The following SPATA21 variants were observed in gnomAD, a reference collection of about 807,000 sequenced individuals.
SPATA21 encodes the protein spermatogenesis-associated protein 21.
Under a neutral mutation model 54.8 loss-of-function variants are expected in SPATA21, and 47 were observed. The observed-to-expected ratio is 0.86, with a 90% confidence interval of 0.68 to 1.09. SPATA21 has a LOEUF of 1.09. Among genes scored for constraint, SPATA21 ranks in the 50% least tolerant of loss-of-function variants. SPATA21 has a pLI of 0.00. For missense variants in SPATA21, 599 were observed against 596.4 expected (o/e 1.00, Z -0.05); for synonymous variants, 245 against 235.3 (o/e 1.04, Z -0.38).
Position 16,421,628 on chromosome 1 carries a change from C to T in SPATA21, c.96-71G>A, listed in dbSNP as rs2086175365. Reference sequence around the variant, plus strand: ...GGTTTGCCCCCCTGCCCTCCCCTCTCAGCCCCCAGGACACTCAGTTCCACC... The same window carrying T: ...GGTTTGCCCCCCTGCCCTCCCCTCTTAGCCCCCAGGACACTCAGTTCCACC... On this transcript the variant is annotated intron_variant, in intron 4 of 12. Coordinates refer to ENST00000335496, the MANE Select transcript of SPATA21 (RefSeq NM_198546.1). This position sits in a 1 kb window ranked among gnomAD's most constrained non-coding sequence, Gnocchi z 5.2. The T allele has an allele frequency of 4.0e-6, 6 of 1,487,700 alleles. No homozygotes were observed. Among genetic ancestry groups the T allele is most frequent in the South Asian group, 3.7e-5 (3 of 80,946 alleles). 92.2% of individuals were successfully genotyped at this position (1,487,700 alleles called of 1,614,324 possible). A position where few individuals can be genotyped will look rare whatever the true frequency, so the allele number is the denominator to read the frequency against.
intron 5 of SPATA21, among the ~76,000 whole-genome samples, chr1:16,419,378 T>C (rs2086106830): frequency 6.6e-6 from 1 of 151,818 alleles, no homozygotes; most frequent in Non-Finnish European, 1.5e-5. Context: ...TGGACTAGGG[T>C]AATGAAAGAG....
At chr1:16,432,118 T>C (rs1257460768) in intron 2 of SPATA21, among the ~76,000 whole-genome samples, 15 of 149,416 alleles carry the variant, frequency 1.0e-4, no homozygotes, top group East Asian at 7.8e-4. Context: ...CTTCTTCTTT[T>C]TTTTTTTTTT....
downstream of SPATA21, chr1:16,398,517 C>T (rs966208402): frequency 2.7e-5 from 14 of 518,590 alleles, no homozygotes; most frequent in Middle Eastern, 5.4e-4. Flanking sequence ...CAAGACTGCA[C>T]GCAGGGGCAC....
chr1:16,402,910 A>C (rs1293059507), intron 10 of SPATA21, among the ~76,000 whole-genome samples: 1 of 152,182 alleles, frequency 6.6e-6, no homozygotes, highest in Non-Finnish European at 1.5e-5. Flanking sequence ...TGGGCGACAG[A>C]GCGAGACCCG....
At chr1:16,402,984 A>T (rs1291719817) in intron 10 of SPATA21, among the ~76,000 whole-genome samples, 2 of 152,172 alleles carry the variant, frequency 1.3e-5, no homozygotes, top group African/African-American at 4.8e-5. Context: ...CATTTCAAAG[A>T]CAGGAAATGG....
chr1:16,399,535 A>G lies in SPATA21; in HGVS notation c.1175-14T>C. 6.2e-7 allele frequency: 1 copy of G among 1,609,686 alleles called. No individual in the cohort carries two copies. The highest frequency in any genetic ancestry group is 8.5e-7 in the Non-Finnish European group (1 of 1,178,240). The stretch of plus-strand genomic sequence containing the variant: ...GCAGGTTGGGAGCTGGTGAAGAAGG[A>G]GGCAGAAGGAGGAATGCTTCACAGC... On this transcript the variant is annotated splice_polypyrimidine_tract_variant and intron_variant, in intron 11 of 12. Transcript: ENST00000335496.
rs1368278033 is a variant in SPATA21, at chr1:16,428,270, G to A, written c.34+3068C>T. Among the ~76,000 whole-genome samples the A allele has an allele frequency of 6.6e-6, 1 of 152,172 alleles. No homozygotes were observed. Among genetic ancestry groups the A allele is most frequent in the African/African-American group, 2.4e-5 (1 of 41,462 alleles). ...AGTCCAGATTAGTACCCGAGACAAG[G>A]GGATTGCCTTAAGGACAGCTTGAAA... On this transcript the variant is annotated intron_variant, in intron 3 of 12. Coordinates refer to ENST00000335496, the MANE Select transcript of SPATA21 (RefSeq NM_198546.1). This position sits in a 1 kb window ranked among gnomAD's most constrained non-coding sequence, Gnocchi z 4.3.
downstream of SPATA21, chr1:16,397,806 C>T (rs538631218): frequency 6.7e-5 from 12 of 179,088 alleles, no homozygotes; most frequent in Admixed American, 1.3e-4. The surrounding 1 kb of genome is among the most constrained non-coding windows in gnomAD (Gnocchi z 5.4). Flanking sequence ...CCATCTGCCC[C>T]GCCCAGCCCT....
At position 16,409,010 on chromosome 1, in the gene SPATA21, C is replaced by A. The variant is rs893436751; in HGVS notation, c.673+108G>T. 6 of 1,173,164 alleles carry A rather than the reference C, an allele frequency of 5.1e-6. No homozygotes were observed. The highest frequency in any genetic ancestry group is 6.2e-6 in the Non-Finnish European group (5 of 806,924). 72.7% of individuals were successfully genotyped at this position (1,173,164 alleles called of 1,614,324 possible). A position where few individuals can be genotyped will look rare whatever the true frequency, so the allele number is the denominator to read the frequency against. On this transcript the variant is annotated intron_variant, in intron 7 of 12. Coordinates refer to ENST00000335496, the MANE Select transcript of SPATA21 (RefSeq NM_198546.1). This position sits in a 1 kb window ranked among gnomAD's most constrained non-coding sequence, Gnocchi z 4.1. ...CCCCTGCTGGGTCTGCTACACATGG[C>A]GGCAGCCATGTGATCTGGAAAGCAC...
At position 16,402,249 on chromosome 1, in the gene SPATA21, C is replaced by CTTTTTTTT. The variant is rs869032281; in HGVS notation, c.1002-1365_1002-1358dup. Among the ~76,000 whole-genome samples the CTTTTTTTT allele has an allele frequency of 2.7e-3, 149 of 55,956 alleles. 13 individuals carry two copies. Among genetic ancestry groups the CTTTTTTTT allele is most frequent in the Non-Finnish European group, 2.8e-3 (94 of 34,058 alleles). 36.7% of individuals were successfully genotyped at this position (55,956 alleles called of 152,430 possible). ...CTTCTGGCAGTTCTGAGCTGCCATT[C>CTTTTTTTT]TTTTTTTTTTTTTTTTTTTTTTTTT... On this transcript the variant is annotated intron_variant, in intron 10 of 12. Coordinates refer to ENST00000335496, the MANE Select transcript of SPATA21 (RefSeq NM_198546.1).
intron 1 of SPATA21, among the ~76,000 whole-genome samples, chr1:16,434,398 C>T (rs945148699): frequency 6.6e-6 from 1 of 151,864 alleles, no homozygotes; most frequent in Non-Finnish European, 1.5e-5. Flanking sequence ...GGATCCTCTC[C>T]CCTCAGCCTC....
chr1:16,410,100 TCTC>T, intron 5 of SPATA21, 57 bp from the exon 6 acceptor site: 2 of 1,381,448 alleles, frequency 1.4e-6, no homozygotes, highest in East Asian at 2.4e-5. Flanking sequence ...GTCCCACAAA[TCTC>T]CTCCCTGCCA....
At chr1:16,417,386 G>C (rs953566600) in intron 5 of SPATA21, among the ~76,000 whole-genome samples, 3 of 150,428 alleles carry the variant, frequency 2.0e-5, no homozygotes, top group African/African-American at 7.4e-5. Context: ...AGCCTCCCAA[G>C]TAGCCGGGAC....
rs554746475 is a variant in SPATA21 at position 16,435,376 on chromosome 1, G to T, written c.-187+1752C>A. Among the ~76,000 whole-genome samples the T allele has an allele frequency of 7.9e-5, 12 of 152,052 alleles. No homozygotes were observed. In the South Asian group the frequency reaches 2.5e-3, roughly 32 times the overall value. ...CTGTCACCCAGGGTGGAGTGCAGTG[G>T]CCTAGTTCCAGCTCACTGCAACCTC... On this transcript the variant is annotated intron_variant, in intron 1 of 12. Coordinates refer to ENST00000335496, the MANE Select transcript of SPATA21 (RefSeq NM_198546.1).
intron 3 of SPATA21, among the ~76,000 whole-genome samples, chr1:16,430,355 C>T (rs1018815102): frequency 6.6e-6 from 1 of 152,122 alleles, no homozygotes; most frequent in Non-Finnish European, 1.5e-5. Context: ...ATCGCTTAAG[C>T]CTGGGAGTTC....
chr1:16,409,521 G>C lies in SPATA21; in HGVS notation c.587+80C>G. On this transcript the variant is annotated intron_variant, in intron 6 of 12. Transcript: ENST00000335496. This position sits in a 1 kb window ranked among gnomAD's most constrained non-coding sequence, Gnocchi z 4.1. ...CACACGAGGGAACAGGCAGGTGCAG[G>C]GACAGGGACCTGCATCCGGGACAAG... is the stretch of plus-strand genomic sequence containing the variant. The C allele has an allele frequency of 6.9e-7, 1 of 1,449,174 alleles. No individual in the cohort carries two copies. Among genetic ancestry groups the C allele is most frequent in the African/African-American group, 1.4e-5 (1 of 71,650 alleles). 89.8% of individuals were successfully genotyped at this position (1,449,174 alleles called of 1,614,324 possible). A position where few individuals can be genotyped will look rare whatever the true frequency, so the allele number is the denominator to read the frequency against.
downstream of SPATA21, chr1:16,396,547 G>T (rs2085314783): frequency 6.6e-6 from 1 of 152,302 alleles, no homozygotes; most frequent in South Asian, 2.1e-4. Flanking sequence ...GCCCAGAGCA[G>T]CTGTGTGTAC....
At position 16,409,238 on chromosome 1, in the gene SPATA21, C is replaced by T. The variant is rs1056626815; in HGVS notation, c.588-35G>A. On this transcript the variant is annotated intron_variant, in intron 6 of 12. Transcript: ENST00000335496. The surrounding 1 kb of genome is among the most constrained non-coding windows in gnomAD (Gnocchi z 4.1). The stretch of plus-strand genomic sequence containing the variant: ...ACAGAACCCCGACCCAGGGCAACAT[C>T]CGGCCGCCCACCCTGCTGATAGCTA... 1 of 1,612,238 alleles carries T rather than the reference C, an allele frequency of 6.2e-7. No homozygotes were observed. Among genetic ancestry groups the T allele is most frequent in the Non-Finnish European group, 8.5e-7 (1 of 1,178,828 alleles).
rs1342860141 is a variant in SPATA21 at position 16,421,543 on chromosome 1, T to C, written c.110A>G (p.Glu37Gly). The C allele has an allele frequency of 6.2e-7, 1 of 1,613,584 alleles. No individual in the cohort carries two copies. The change falls in exon 5 of 13, where the codon GAG becomes GGG. Residue 37 changes from glutamate (E) to glycine (G), a missense_variant. Glu to Gly is a moderately conservative substitution (Grantham distance 98). Coordinates refer to ENST00000335496, the MANE Select transcript of SPATA21 (RefSeq NM_198546.1). This position sits in a 1 kb window ranked among gnomAD's most constrained non-coding sequence, Gnocchi z 5.2. ...AAGAGGCCCCGGTGCTGGGTGGGTC[T>C]CCACAGCCTCACCCCTGAATAGAAG... ...KKAKGGGEAVETHPAPGPLPP... is the reference protein window; with the variant it reads ...KKAKGGGEAVGTHPAPGPLPP...
Sources: allele counts gnomAD v4.1 joint callset (sites outside exome capture counted in the v4.1 genomes callset), GRCh38; gene constraint gnomAD v4.1.1; non-coding constraint Gnocchi (gnomAD v3.1); transcripts MANE v1.5; gene names NCBI Gene and HGNC (gene_info 2026-07-23, HGNC 2026-07-21).